The following SCAI variants were observed in gnomAD, a reference collection of about 807,000 sequenced individuals.
The protein encoded by SCAI is protein SCAI.
Under a neutral mutation model 92.2 loss-of-function variants are expected in SCAI, and 24 were observed. That is an observed-to-expected ratio of 0.26 (90% CI 0.19 to 0.37). SCAI has a LOEUF of 0.37. SCAI is among the 10% of genes least tolerant of loss of function. The probability of loss-of-function intolerance (pLI) is 1.00; values close to 1 mark genes in which losing one functional copy is unlikely to be tolerated. For missense variants in SCAI, 450 were observed against 736.2 expected (o/e 0.61, Z 4.50); for synonymous variants, 261 against 258.6 (o/e 1.01, Z -0.09).
rs372601967 is a variant in SCAI, at chr9:125,003,586, A to C, written c.862-16T>G. The C allele has an allele frequency of 1.7e-5, 26 of 1,525,620 alleles. No individual in the cohort carries two copies. The African/African-American group carries it at 3.2e-4, about 19-fold the overall frequency. 94.5% of individuals were successfully genotyped at this position (1,525,620 alleles called of 1,614,324 possible). ...TGAACTTAACCTGCAAGAAAAAAAAAAACAAACACAACCTAGCCTTAATGC... is the reference window on the plus strand; with the variant it reads ...TGAACTTAACCTGCAAGAAAAAAAACAACAAACACAACCTAGCCTTAATGC... On this transcript the variant is annotated splice_polypyrimidine_tract_variant and intron_variant, in intron 9 of 17. Transcript: ENST00000336505.
intron 3 of SCAI, among the ~76,000 whole-genome samples, chr9:125,032,770 C>T (rs945425636): frequency 7.2e-5 from 11 of 151,762 alleles, no homozygotes; most frequent in African/African-American, 1.9e-4. Flanking sequence ...CCCGTCACCA[C>T]GCCCGGTTAA....
intron 14 of SCAI, among the ~76,000 whole-genome samples, chr9:124,983,147 T>C (rs1245062591): frequency 2.9e-5 from 4 of 139,550 alleles, no homozygotes; most frequent in Admixed American, 2.3e-4. Context: ...GGTGACAGAA[T>C]GAAAACCTGT....
intron 2 of SCAI, among the ~76,000 whole-genome samples, chr9:125,108,507 G>A (rs1446594666): frequency 1.4e-5 from 2 of 146,632 alleles, no homozygotes; most frequent in African/African-American, 2.5e-5. Context: ...TGTGAGGAGC[G>A]TCTCTGCCCG....
chr9:125,114,002 C>T (rs12337492), intron 2 of SCAI, among the ~76,000 whole-genome samples: 156 of 152,274 alleles, frequency 1.0e-3, no homozygotes, highest in African/African-American at 3.6e-3. Context: ...AAATTTCACT[C>T]TCTGGAGGTA....
intron 2 of SCAI, among the ~76,000 whole-genome samples, chr9:125,130,554 G>A (rs1835376639): frequency 6.6e-6 from 1 of 151,246 alleles, no homozygotes; most frequent in African/African-American, 2.4e-5. Context: ...TGGCTCTGTT[G>A]CCAGGCTGGA....
intron 2 of SCAI, among the ~76,000 whole-genome samples, chr9:125,092,800 C>A (rs754312532): frequency 6.6e-6 from 1 of 152,196 alleles, no homozygotes; most frequent in African/African-American, 2.4e-5. Flanking sequence ...AGCCTTCATG[C>A]TGTTTCTCTA....
At chr9:125,008,369 T>C (rs1006855685) in intron 9 of SCAI, among the ~76,000 whole-genome samples, 3 of 151,650 alleles carry the variant, frequency 2.0e-5, no homozygotes, top group African/African-American at 7.3e-5. Flanking sequence ...ACTCCTAACC[T>C]CAAGTGATCT....
chr9:125,008,996 T>C (rs1302265690), intron 9 of SCAI, among the ~76,000 whole-genome samples: 2 of 152,008 alleles, frequency 1.3e-5, no homozygotes, highest in African/African-American at 4.8e-5. Context: ...ATGTGACTAA[T>C]AAATCTAACA....
chr9:125,142,580 T>A, intron 2 of SCAI, 53 bp downstream of exon 2: 1 of 1,368,138 alleles, frequency 7.3e-7, no homozygotes, highest in Non-Finnish European at 1.0e-6. Flanking sequence ...ACGGCACAGG[T>A]GCAGCCAAGC....
chr9:125,004,441 G>T (rs1252754619), intron 9 of SCAI, among the ~76,000 whole-genome samples: 2 of 150,010 alleles, frequency 1.3e-5, no homozygotes, highest in Admixed American at 1.3e-4. Context: ...CGATTCTCCT[G>T]CCTCAGTCTC....
intron 6 of SCAI, among the ~76,000 whole-genome samples, chr9:125,021,092 G>A (rs1832861349): frequency 6.6e-6 from 1 of 152,122 alleles, no homozygotes; most frequent in Non-Finnish European, 1.5e-5. Context: ...AAATATACAG[G>A]AGAGAGATAA....
intron 14 of SCAI, among the ~76,000 whole-genome samples, chr9:124,976,574 G>A (rs1380536250): frequency 6.6e-6 from 1 of 152,106 alleles, no homozygotes; most frequent in African/African-American, 2.4e-5. Flanking sequence ...CCTGATTCCT[G>A]GAGTCATCTC....
At chr9:124,973,818 C>T (rs1351600209) in intron 15 of SCAI, among the ~76,000 whole-genome samples, 1 of 152,164 alleles carries the variant, frequency 6.6e-6, no homozygotes, top group Non-Finnish European at 1.5e-5. Context: ...CAGTGCAAGA[C>T]TCCATCTCAA....
intron 17 of SCAI, among the ~76,000 whole-genome samples, chr9:124,963,822 T>G (rs1262122455): frequency 6.8e-6 from 1 of 147,648 alleles, no homozygotes; most frequent in East Asian, 2.0e-4. Flanking sequence ...ATATTTACTA[T>G]TCATTAAATG....
At chr9:125,005,583 G>A (rs111572935) in intron 9 of SCAI, among the ~76,000 whole-genome samples, 72 of 151,790 alleles carry the variant, frequency 4.7e-4, no homozygotes, top group Non-Finnish European at 7.8e-4. Flanking sequence ...CACCTGCCTC[G>A]GCCTCCCAAA....
chr9:125,001,302 T>C (rs1382770016), intron 12 of SCAI, among the ~76,000 whole-genome samples: 1 of 152,178 alleles, frequency 6.6e-6, no homozygotes, highest in East Asian at 1.9e-4. Context: ...ATGTTAAGAA[T>C]TTTTTTATTT....
chr9:124,997,740 G>A (rs1311564614), intron 13 of SCAI, among the ~76,000 whole-genome samples: 1 of 151,986 alleles, frequency 6.6e-6, no homozygotes, highest in Non-Finnish European at 1.5e-5. Flanking sequence ...GCTGGGTGTG[G>A]TGATGCATGA....
At chr9:125,023,295 T>A (rs987410214) in intron 6 of SCAI, among the ~76,000 whole-genome samples, 2 of 152,162 alleles carry the variant, frequency 1.3e-5, no homozygotes, top group Non-Finnish European at 2.9e-5. Flanking sequence ...ACCACAGCCA[T>A]GGGAAAATGA....
At chr9:125,080,932 G>A (rs1404506594) in intron 2 of SCAI, among the ~76,000 whole-genome samples, 1 of 152,176 alleles carries the variant, frequency 6.6e-6, no homozygotes, top group Non-Finnish European at 1.5e-5. Context: ...TCCTGATAGT[G>A]AATAAGTCTC....
Sources: gnomAD v4.1 joint callset for allele counts (sites outside exome capture counted in the v4.1 genomes callset) on GRCh38, gnomAD v4.1.1 for gene constraint, MANE v1.5 for transcripts, NCBI Gene and HGNC (gene_info 2026-07-23, HGNC 2026-07-21) for gene names.